The following UQCRH variants were observed in gnomAD, a reference collection of about 807,000 sequenced individuals.
UQCRH encodes the protein ubiquinol-cytochrome c reductase hinge protein.
In UQCRH, 14 loss-of-function variants were observed where a neutral mutation model predicts 16.3. The observed-to-expected ratio is 0.86, with a 90% CI of 0.57 to 1.34. UQCRH has a LOEUF of 1.34. Ranked by LOEUF, UQCRH falls within the 40% of genes most tolerant of loss-of-function variation. The pLI is 0.00. For synonymous variants in UQCRH, 41 were observed against 41.9 expected (o/e 0.98, Z 0.08); for missense variants, 89 against 111.9 (o/e 0.80, Z 0.92).
At chr1:46,309,670 TAAAAAAAAA>T (rs764614791) in intron 2 of UQCRH, 2 of 162,162 alleles carry the variant, frequency 1.2e-5, no homozygotes, top group Non-Finnish European at 2.4e-5. Flanking sequence ...AACTCCGTCT[TAAAAAAAAA>T]AAAAAAAAGA....
At chr1:46,315,671 C>CAT (rs1350596426) in intron 3 of UQCRH, among the ~76,000 whole-genome samples, 3 of 149,598 alleles carry the variant, frequency 2.0e-5, no homozygotes, top group Admixed American at 6.7e-5. Flanking sequence ...TGTATTTTAT[C>CAT]ATAATTTTTA....
intron 1 of UQCRH, among the ~76,000 whole-genome samples, chr1:46,305,370 G>A (rs1661351489): frequency 1.3e-5 from 2 of 148,842 alleles, no homozygotes; most frequent in South Asian, 4.3e-4. Flanking sequence ...AAGATCCACC[G>A]CTGCAATAGA....
rs181971906 is a variant in UQCRH, at chr1:46,310,303, C to T, written c.230C>T (p.Ala77Val). The change falls in exon 3 of 4, where the codon GCG (alanine) becomes GTG (valine). Residue 77 changes from alanine to valine, a missense_variant. Transcript: ENST00000311672. ...CTEELFDFLH[A>V]RDHCVAHKLF... ...GAGGAGCTCTTTGACTTCTTGCATG[C>T]GAGGGACCATTGCGTAAGTCAGTGG... The T allele has an allele frequency of 2.2e-5, 35 of 1,614,012 alleles. No homozygotes were observed. The highest frequency in any genetic ancestry group is 1.8e-4 in the East Asian group (8 of 44,870).
chr1:46,307,636 A>G (rs1661400457), intron 1 of UQCRH, among the ~76,000 whole-genome samples: 1 of 152,194 alleles, frequency 6.6e-6, no homozygotes, highest in Non-Finnish European at 1.5e-5. Flanking sequence ...AAGGAAACTA[A>G]GTTTGAGGTT....
At chr1:46,313,665 A>ATAGATAGG (rs1661524723) in intron 3 of UQCRH, among the ~76,000 whole-genome samples, 1 of 151,576 alleles carries the variant, frequency 6.6e-6, no homozygotes, top group Non-Finnish European at 1.5e-5. Context: ...AGATAGATAG[A>ATAGATAGG]TAGATAGATA....
rs747396129 is a variant in UQCRH at position 46,310,215 on chromosome 1, G to C, written c.142G>C (p.Glu48Gln). 6 of 1,614,232 alleles carry C rather than the reference G, an allele frequency of 3.7e-6. 1 individual carries two copies. In the South Asian group the frequency reaches 4.4e-5, roughly 12 times the overall value. The change falls in exon 3 of 4, where the codon GAG becomes CAG. Residue 48 changes from glutamate to glutamine, a missense_variant. Physicochemically the swap from Glu to Gln is conservative, Grantham distance 29. Coordinates refer to ENST00000311672, the MANE Select transcript of UQCRH (RefSeq NM_006004.4). ...GTTGGAGAAATGTGTAAAGGCCCGG[G>C]AGCGGCTAGAGCTCTGTGATGAGCG... The part of the protein sequence containing the change: ...EQLEKCVKAR[E>Q]RLELCDERVS...
intron 3 of UQCRH, among the ~76,000 whole-genome samples, chr1:46,310,939 C>T (rs1359576463): frequency 2.0e-5 from 3 of 151,870 alleles, no homozygotes; most frequent in Non-Finnish European, 2.9e-5. Context: ...CGGTGGCGGG[C>T]GCCTGTAGTC....
intron 1 of UQCRH, 125 bp downstream of exon 1, chr1:46,303,945 C>G (rs2148330745): frequency 3.2e-6 from 4 of 1,236,956 alleles, no homozygotes; most frequent in Non-Finnish European, 3.4e-6. Flanking sequence ...GTCGGGAGCT[C>G]TAGTTCCCTC....
chr1:46,313,581 A>G lies in UQCRH; in HGVS notation c.244-2971A>G, dbSNP rs554585229. ...GAGGCGGAGCTTGCAGTGAGCTGAG[A>G]TTGTGCCACTGCACTCCAGCCTGGG... On this transcript the variant is annotated intron_variant, in intron 3 of 3. Transcript: ENST00000311672. Among the ~76,000 whole-genome samples, 5 of 152,244 alleles carry G rather than the reference A, an allele frequency of 3.3e-5. No individual in the cohort carries two copies. In the South Asian group the frequency reaches 1.0e-3, roughly 32 times the overall value.
chr1:46,311,260 C>G (rs1008553816), intron 3 of UQCRH, among the ~76,000 whole-genome samples: 1 of 151,084 alleles, frequency 6.6e-6, no homozygotes, highest in African/African-American at 2.4e-5. Flanking sequence ...ACAGACTGTT[C>G]TTTAAAAATA....
chr1:46,311,087 A>AAC (rs1557725036), intron 3 of UQCRH, among the ~76,000 whole-genome samples: 1 of 144,394 alleles, frequency 6.9e-6, no homozygotes. Flanking sequence ...AAAAAAAAAA[A>AAC]AATAATAATA....
At chr1:46,310,439 T>A in intron 3 of UQCRH, 123 bp downstream of exon 3, 1 of 1,405,858 alleles carries the variant, frequency 7.1e-7, no homozygotes, top group Non-Finnish European at 9.7e-7. Context: ...ATGTGACATA[T>A]GGTGCGCTGA....
chr1:46,304,788 C>A (rs1018474461), intron 1 of UQCRH, among the ~76,000 whole-genome samples: 6 of 152,170 alleles, frequency 3.9e-5, no homozygotes, highest in Non-Finnish European at 8.8e-5. Context: ...AATATCTTTT[C>A]TAAGGTCATG....
At chr1:46,310,749 G>A (rs1239935616) in intron 3 of UQCRH, among the ~76,000 whole-genome samples, 2 of 152,090 alleles carry the variant, frequency 1.3e-5, no homozygotes, top group East Asian at 3.9e-4. Flanking sequence ...TGGGATTATA[G>A]GCATGAGCCA....
In UQCRH at chr1:46,303,784, G is replaced by A; in HGVS notation, c.18G>A (p.Glu6=). ...AGCCAGACATGGGACTGGAGGACGA[G>A]CAAAAGATGCTTACCGAATCCGGAG... The part of the protein sequence containing the change: MGLED[E]QKMLTESGDP... The change falls in exon 1 of 4, where the codon GAG becomes GAA. Residue 6 remains glutamate, a synonymous_variant. Transcript: ENST00000311672. 6.2e-7 allele frequency: 1 copy of A among 1,614,186 alleles called. No individual in the cohort carries two copies. Among genetic ancestry groups the A allele is most frequent in the South Asian group, 1.1e-5 (1 of 91,086 alleles).
intron 3 of UQCRH, among the ~76,000 whole-genome samples, chr1:46,315,831 GAATT>G (rs1661573703): frequency 6.6e-6 from 1 of 152,108 alleles, no homozygotes. Flanking sequence ...TCTGTTCCCT[GAATT>G]AACATCCCTA....
chr1:46,309,028 A>G, intron 1 of UQCRH, 73 bp from the exon 2 acceptor site: 6 of 1,513,458 alleles, frequency 4.0e-6, no homozygotes, highest in Non-Finnish European at 5.5e-6. Context: ...ATCGTCAGTA[A>G]TTACATCAGT....
At chr1:46,312,003 C>T (rs1413612596) in intron 3 of UQCRH, among the ~76,000 whole-genome samples, 1 of 151,502 alleles carries the variant, frequency 6.6e-6, no homozygotes, top group Non-Finnish European at 1.5e-5. Context: ...AATTATGGCA[C>T]ACTACAGCCT....
chr1:46,312,933 TAAAG>T (rs966231043), intron 3 of UQCRH, among the ~76,000 whole-genome samples: 1 of 151,992 alleles, frequency 6.6e-6, no homozygotes, highest in Non-Finnish European at 1.5e-5. Context: ...ATGGCTATAA[TAAAG>T]AAGATAACGA....
Sources: allele counts gnomAD v4.1 joint callset (sites outside exome capture counted in the v4.1 genomes callset), GRCh38; gene constraint gnomAD v4.1.1; transcripts MANE v1.5; gene names NCBI Gene and HGNC (gene_info 2026-07-23, HGNC 2026-07-21).